The following CHST9 variants were observed in gnomAD, a reference collection of about 807,000 sequenced individuals.
CHST9 encodes carbohydrate sulfotransferase 9.
Under a neutral mutation model 44.4 loss-of-function variants are expected in CHST9, and 41 were observed. The ratio of observed to expected loss-of-function variants is 0.92; its 90% CI spans 0.72 to 1.20. CHST9 has a LOEUF of 1.20. CHST9 is among the 50% of genes most tolerant of loss of function. The pLI is 0.00. For synonymous variants in CHST9, 171 were observed against 178.4 expected (o/e 0.96, Z 0.33); for missense variants, 504 against 516.5 (o/e 0.98, Z 0.23).
At position 26,915,164 on chromosome 18, in the gene CHST9, TA is replaced by T. The variant is rs892220949; in HGVS notation, c.*1094del. ...TAAAAAGAAAATACCTTAATTTACT[TA>T]TGCATAAGCCTATTAAACACATTTC... is the stretch of plus-strand genomic sequence containing the variant. On this transcript the variant is annotated 3_prime_UTR_variant, in exon 6 of 6. Transcript: ENST00000618847. 2.6e-6 allele frequency: 1 copy of T among 390,988 alleles called. No individual in the cohort carries two copies. Among genetic ancestry groups the T allele is most frequent in the African/African-American group, 2.1e-5 (1 of 48,448 alleles). The allele number at this position is 390,988 out of a possible 1,614,324, so 24.2% of individuals were successfully genotyped here. A position where few individuals can be genotyped will look rare whatever the true frequency, so the allele number is the denominator to read the frequency against.
At chr18:27,043,595 T>C (rs2057468636) in intron 3 of CHST9, among the ~76,000 whole-genome samples, 1 of 152,020 alleles carries the variant, frequency 6.6e-6, no homozygotes, top group Non-Finnish European at 1.5e-5. Flanking sequence ...TCCTCTCTAA[T>C]GTCACTGTCT....
At chr18:27,086,856 A>C (rs2058017221) in intron 2 of CHST9, among the ~76,000 whole-genome samples, 1 of 152,148 alleles carries the variant, frequency 6.6e-6, no homozygotes, top group African/African-American at 2.4e-5. Context: ...GGTCTCTATA[A>C]AGTAAGGAAG....
intron 1 of CHST9, among the ~76,000 whole-genome samples, chr18:27,169,425 G>C (rs1380426306): frequency 1.3e-5 from 2 of 152,006 alleles, no homozygotes; most frequent in Non-Finnish European, 2.9e-5. Flanking sequence ...AGAACTATAA[G>C]AAATGGCTAA....
intron 1 of CHST9, among the ~76,000 whole-genome samples, chr18:27,163,724 T>C (rs564486409): frequency 6.6e-6 from 1 of 152,148 alleles, no homozygotes; most frequent in Non-Finnish European, 1.5e-5. Flanking sequence ...CCCCTTTCTT[T>C]GACTAGGAAA....
intron 5 of CHST9, among the ~76,000 whole-genome samples, chr18:26,937,160 A>G (rs990945856): frequency 3.3e-5 from 5 of 152,188 alleles, no homozygotes; most frequent in African/African-American, 9.6e-5. Context: ...ATGCCAATGT[A>G]TACTTTTTTC....
intron 2 of CHST9, among the ~76,000 whole-genome samples, chr18:27,063,329 A>T (rs1417512030): frequency 6.6e-6 from 1 of 152,186 alleles, no homozygotes; most frequent in Non-Finnish European, 1.5e-5. Context: ...ACACAAATTG[A>T]TTTAAACTAT....
At chr18:26,925,975 A>T (rs947039746) in intron 5 of CHST9, 4 of 152,184 alleles carry the variant, frequency 2.6e-5, no homozygotes, top group African/African-American at 9.7e-5. Context: ...TGAGAAAAAA[A>T]GAGAAGGATA....
chr18:27,025,424 TA>T (rs960843043), intron 3 of CHST9, among the ~76,000 whole-genome samples: 8 of 152,104 alleles, frequency 5.3e-5, no homozygotes, highest in Admixed American at 1.3e-4. Context: ...CTAATTGAGA[TA>T]AAAATCTTAT....
chr18:26,963,464 T>C (rs554530052), intron 4 of CHST9, among the ~76,000 whole-genome samples: 2 of 151,048 alleles, frequency 1.3e-5, no homozygotes, highest in Admixed American at 6.6e-5. Flanking sequence ...ACACAAAGAA[T>C]GAAAAGATTA....
In CHST9 at chr18:26,912,898, C is replaced by T. The variant is rs1043844048; in HGVS notation, c.*3361G>A. 5 of 152,152 alleles carry T rather than the reference C, an allele frequency of 3.3e-5. No individual in the cohort carries two copies. The highest frequency in any genetic ancestry group is 7.2e-5 in the African/African-American group (3 of 41,414). 9.4% of individuals were successfully genotyped at this position (152,152 alleles called of 1,614,324 possible). ...CAGGTAGTTGAGCTATAATTAAACG[C>T]CTTTGGCCAATCCTTTTTCAAGTAT... On this transcript the variant is annotated 3_prime_UTR_variant, in exon 6 of 6. Transcript: ENST00000618847.
chr18:27,138,200 CA>C (rs1275992574), intron 2 of CHST9, among the ~76,000 whole-genome samples: 10 of 152,214 alleles, frequency 6.6e-5, no homozygotes. Context: ...TTCTCCCTTA[CA>C]ATTCATTTGA....
intron 2 of CHST9, among the ~76,000 whole-genome samples, chr18:27,063,733 A>AAACTCCTC (rs1268078837): frequency 1.4e-4 from 21 of 152,342 alleles, no homozygotes; most frequent in African/African-American, 4.8e-4. Context: ...GTTTGATTTT[A>AAACTCCTC]AACTCCTCAA....
At chr18:27,138,873 G>A (rs1256279599) in intron 2 of CHST9, among the ~76,000 whole-genome samples, 2 of 151,516 alleles carry the variant, frequency 1.3e-5, no homozygotes, top group African/African-American at 2.4e-5. Context: ...ACTTGTACCT[G>A]TAACAACTAC....
intron 2 of CHST9, among the ~76,000 whole-genome samples, chr18:27,112,912 G>A (rs764968144): frequency 1.8e-4 from 27 of 151,946 alleles, no homozygotes; most frequent in African/African-American, 4.4e-4. Flanking sequence ...TCAATTAGCC[G>A]GGCCCGATGG....
intron 4 of CHST9, among the ~76,000 whole-genome samples, chr18:26,984,160 C>T (rs558542398): frequency 6.6e-6 from 1 of 152,282 alleles, no homozygotes; most frequent in East Asian, 1.9e-4. Flanking sequence ...ATTTAACTCA[C>T]TTAATTGTAA....
Position 26,916,149 on chromosome 18 carries a change from A to G in CHST9, c.*110T>C, listed in dbSNP as rs2055515713. ...TGGTAAAAATCTACATTAAATCAAG[A>G]CAACTGCACTTGGTTAAATTTCTGT... On this transcript the variant is annotated 3_prime_UTR_variant, in exon 6 of 6. Transcript: ENST00000618847. 1 of 885,904 alleles carries G rather than the reference A, an allele frequency of 1.1e-6. No individual in the cohort carries two copies. The highest frequency in any genetic ancestry group is 1.7e-6 in the Non-Finnish European group (1 of 579,470). The allele number at this position is 885,904 out of a possible 1,614,324, so 54.9% of individuals were successfully genotyped here.
chr18:27,139,219 G>A (rs1178724802), intron 2 of CHST9, among the ~76,000 whole-genome samples: 2 of 151,970 alleles, frequency 1.3e-5, no homozygotes, highest in African/African-American at 2.4e-5. Context: ...TAAAAGACAC[G>A]AAGAAAACCT....
chr18:26,914,357 T>C lies in CHST9; in HGVS notation c.*1902A>G, dbSNP rs1468388107. 1 of 152,208 alleles carries C rather than the reference T, an allele frequency of 6.6e-6. No homozygotes were observed. The highest frequency in any genetic ancestry group is 1.5e-5 in the Non-Finnish European group (1 of 68,048). The allele number at this position is 152,208 out of a possible 1,614,324, so 9.4% of individuals were successfully genotyped here. On this transcript the variant is annotated 3_prime_UTR_variant, in exon 6 of 6. Transcript: ENST00000618847. Reference sequence around the variant, plus strand: ...AGTGGATTTCATATAAAGCAAGTTTTGTGTTTCTTAGGAATAAAATTTCAG... The same window carrying C: ...AGTGGATTTCATATAAAGCAAGTTTCGTGTTTCTTAGGAATAAAATTTCAG...
At chr18:27,178,126 A>G (rs1237574242) in intron 1 of CHST9, among the ~76,000 whole-genome samples, 2 of 151,992 alleles carry the variant, frequency 1.3e-5, no homozygotes, top group African/African-American at 4.8e-5. Context: ...GTAAGAATGA[A>G]CAATACACAG....
Sources: allele counts gnomAD v4.1 joint callset (sites outside exome capture counted in the v4.1 genomes callset), GRCh38; gene constraint gnomAD v4.1.1; transcripts MANE v1.5; gene names NCBI Gene and HGNC (gene_info 2026-07-23, HGNC 2026-07-21).